Variants in ZNF169 observed in about 807,000 individuals in gnomAD.
ZNF169 encodes the protein zinc finger protein 169.
A neutral mutation model predicts 12.0 loss-of-function variants in ZNF169; 11 were observed. The ratio of observed to expected loss-of-function variants is 0.92; its 90% CI spans 0.58 to 1.52. The LOEUF is 1.52. Among genes scored for constraint, ZNF169 ranks in the 40% most tolerant of loss-of-function variants. ZNF169 has a pLI of 0.00. For missense variants in ZNF169, 722 were observed against 744.0 expected, an observed-to-expected ratio of 0.97 and a Z score of 0.34; for synonymous variants, 302 against 286.5, an observed-to-expected ratio of 1.05 and a Z score of -0.55.
At chr9:94,280,234 T>G (rs184481998) in intron 2 of ZNF169, among the ~76,000 whole-genome samples, 14 of 152,340 alleles carry the variant, frequency 9.2e-5, no homozygotes, top group African/African-American at 3.1e-4. Flanking sequence ...TGTTACACCT[T>G]TGAGAGAAAT....
chr9:94,277,110 C>T (rs947157987), intron 1 of ZNF169, among the ~76,000 whole-genome samples: 1 of 152,098 alleles, frequency 6.6e-6, no homozygotes, highest in East Asian at 1.9e-4. Flanking sequence ...GACGGGACAA[C>T]TCAAAGTAGG....
intron 1 of ZNF169, among the ~76,000 whole-genome samples, chr9:94,270,987 CAAATAATATATTATATATTAT>C (rs1830411035): frequency 3.0e-4 from 1 of 3,360 alleles, no homozygotes; most frequent in Non-Finnish European, 4.0e-4. Flanking sequence ...TATAAATATA[CAAATAATATATTATATATTAT>C]ATAAATATAC....
chr9:94,267,246 C>T (rs1830311184), intron 1 of ZNF169, among the ~76,000 whole-genome samples: 1 of 152,154 alleles, frequency 6.6e-6, no homozygotes, highest in Non-Finnish European at 1.5e-5. Flanking sequence ...CATGGACTGT[C>T]AGAAAGTGAC....
intron 4 of ZNF169, chr9:94,294,717 G>A (rs1830917455): frequency 1.3e-5 from 2 of 152,100 alleles, no homozygotes; most frequent in African/African-American, 4.8e-5. Flanking sequence ...TATGTTGCTT[G>A]GCCCTTCCTG....
chr9:94,281,378 C>T (rs1413139825), intron 2 of ZNF169, among the ~76,000 whole-genome samples: 1 of 152,122 alleles, frequency 6.6e-6, no homozygotes, highest in Admixed American at 6.5e-5. Context: ...TTGTAACATG[C>T]ATTATAGTTG....
chr9:94,286,981 T>A (rs1280747496), intron 2 of ZNF169, among the ~76,000 whole-genome samples: 2 of 152,184 alleles, frequency 1.3e-5, no homozygotes, highest in African/African-American at 4.8e-5. Flanking sequence ...CAGGTGAGTT[T>A]GTACACACAA....
chr9:94,262,861 C>A (rs571660393), intron 1 of ZNF169, among the ~76,000 whole-genome samples: 1 of 152,270 alleles, frequency 6.6e-6, no homozygotes, highest in African/African-American at 2.4e-5. Flanking sequence ...GAATGCAGTG[C>A]CTTTCTGTGC....
intron 1 of ZNF169, among the ~76,000 whole-genome samples, chr9:94,272,329 CTT>C (rs1830438012): frequency 6.6e-6 from 1 of 152,020 alleles, no homozygotes; most frequent in Non-Finnish European, 1.5e-5. Flanking sequence ...TATTTATCCT[CTT>C]AATACTTTTT....
chr9:94,290,492 A>G (rs1830806994), intron 2 of ZNF169, among the ~76,000 whole-genome samples: 1 of 151,974 alleles, frequency 6.6e-6, no homozygotes, highest in Non-Finnish European at 1.5e-5. Context: ...AAGTGGAATC[A>G]TATATTTGTC....
chr9:94,269,326 C>T (rs377694742), intron 1 of ZNF169, among the ~76,000 whole-genome samples: 1 of 151,802 alleles, frequency 6.6e-6, no homozygotes, highest in Non-Finnish European at 1.5e-5. Flanking sequence ...CAAATGGCTT[C>T]GCAAGCCCAG....
Position 94,300,428 on chromosome 9 carries a change from T to G in ZNF169, c.870T>G (p.Tyr290Ter), listed in dbSNP as rs1831040682. ...HQRKHSGEKPYVCRECGRHFR... is the reference protein window; with the variant it reads ...HQRKHSGEKP ...GGAAGCACTCGGGGGAGAAGCCGTA[T>G]GTGTGCAGGGAATGTGGGCGACACT... Residue 290 changes from tyrosine to a stop codon, truncating the protein, a stop_gained, in exon 5 of 5, where the codon TAT (tyrosine) becomes TAG (stop). Transcript: ENST00000395395. LOFTEE classifies it low-confidence loss of function (END_TRUNC). 6.2e-7 allele frequency: 1 copy of G among 1,612,556 alleles called. No individual in the cohort carries two copies. The highest frequency in any genetic ancestry group is 1.3e-5 in the African/African-American group (1 of 74,410).
chr9:94,290,865 T>C (rs1322044454), intron 2 of ZNF169, among the ~76,000 whole-genome samples: 1 of 152,172 alleles, frequency 6.6e-6, no homozygotes, highest in South Asian at 2.1e-4. Flanking sequence ...AGAAACTGTA[T>C]TGTTTTACAT....
chr9:94,300,201 G>A lies in ZNF169; in HGVS notation c.643G>A (p.Gly215Arg), dbSNP rs1302144869. 6.2e-7 allele frequency: 1 copy of A among 1,614,160 alleles called. No homozygotes were observed. Among genetic ancestry groups the A allele is most frequent in the African/African-American group, 1.3e-5 (1 of 75,034 alleles). ...DTSESGAVIRGNYRLGLSKKS... is the reference protein window; with the variant it reads ...DTSESGAVIRRNYRLGLSKKS... ...TTCAGAATCTGGAGCAGTCATACGT[G>A]GAAACTATAGACTGGGACTTAGCAA... The change falls in exon 5 of 5, where the codon GGA becomes AGA. Residue 215 changes from glycine to arginine, a missense_variant. By Grantham distance (125) the Gly-to-Arg change is moderately radical. Transcript: ENST00000395395.
In ZNF169 at chr9:94,292,460, C is replaced by A. The variant is rs955695785; in HGVS notation, c.153C>A (p.Val51=). The A allele has an allele frequency of 2.5e-6, 4 of 1,613,826 alleles. No individual in the cohort carries two copies. The highest frequency in any genetic ancestry group is 3.3e-5 in the Admixed American group (2 of 60,002). ...EVMLENYSHL[V]SLGIAFSKPK... ...TGCTGGAGAACTACAGCCATCTGGTCTCCCTGGGTAAGGCTGGCCTGTTTA... is the reference window on the plus strand; with the variant it reads ...TGCTGGAGAACTACAGCCATCTGGTATCCCTGGGTAAGGCTGGCCTGTTTA... Residue 51 remains valine, a synonymous_variant, in exon 3 of 5, where the codon GTC becomes GTA. Coordinates refer to ENST00000395395, the MANE Select transcript of ZNF169 (RefSeq NM_194320.4).
chr9:94,260,133 C>T (rs1587664418), intron 1 of ZNF169, among the ~76,000 whole-genome samples: 1 of 152,038 alleles, frequency 6.6e-6, no homozygotes, highest in East Asian at 1.9e-4. Flanking sequence ...GCTCTTGTCG[C>T]CCAGGCTGGA....
intron 2 of ZNF169, among the ~76,000 whole-genome samples, chr9:94,279,146 C>T (rs10217472): frequency 0.042 from 6,444 of 152,092 alleles, 454 homozygotes; most frequent in African/African-American, 0.15. Flanking sequence ...AATCCCAGTA[C>T]TTTGGGAGGC....
intron 2 of ZNF169, 150 bp from the exon 3 acceptor site, chr9:94,292,191 G>A: frequency 7.9e-7 from 1 of 1,273,284 alleles, no homozygotes; most frequent in Non-Finnish European, 1.1e-6. Flanking sequence ...TTGAATATAT[G>A]GAACCAGGTT....
chr9:94,299,299 G>A (rs1396411994), intron 4 of ZNF169: 7 of 398,216 alleles, frequency 1.8e-5, no homozygotes, highest in East Asian at 3.6e-5. Flanking sequence ...ACAGGAGCCA[G>A]TATCTCTTGC....
At chr9:94,286,142 T>A (rs1830715721) in intron 2 of ZNF169, among the ~76,000 whole-genome samples, 1 of 152,210 alleles carries the variant, frequency 6.6e-6, no homozygotes, top group Non-Finnish European at 1.5e-5. Flanking sequence ...CTAGCCCCAT[T>A]AAGACTTCGG....
Sources: allele counts gnomAD v4.1 joint callset (sites outside exome capture counted in the v4.1 genomes callset), GRCh38; gene constraint gnomAD v4.1.1; transcripts MANE v1.5; gene names NCBI Gene and HGNC (gene_info 2026-07-23, HGNC 2026-07-21).